ITGA7: variants seen among roughly 807,000 people sequenced by gnomAD.
ITGA7 encodes the protein integrin alpha-7.
In ITGA7, 84 loss-of-function variants were observed where a neutral mutation model predicts 131.6. The observed-to-expected ratio is 0.64, with a 90% CI of 0.54 to 0.77. The LOEUF (loss-of-function observed/expected upper bound fraction) is 0.77, where lower values mean the gene tolerates loss of function less well. Ranked by LOEUF, ITGA7 falls within the 30% of genes least tolerant of loss-of-function variation. The pLI, the probability that ITGA7 is intolerant of heterozygous loss-of-function variation, is 0.00. For missense variants in ITGA7, 1,399 were observed against 1,482.9 expected (o/e 0.94, Z 0.93); for synonymous variants, 548 against 600.7 (o/e 0.91, Z 1.28).
intron 21 of ITGA7, among the ~76,000 whole-genome samples, chr12:55,689,283 G>C (rs1219913726): frequency 6.6e-6 from 1 of 152,190 alleles, no homozygotes; most frequent in African/African-American, 2.4e-5. Flanking sequence ...CTTCGCAATA[G>C]TCCTACAAGG....
Position 55,693,284 on chromosome 12 carries a change from C to T in ITGA7, c.2569G>A (p.Gly857Ser), listed in dbSNP as rs149081471. 3.6e-3 allele frequency: 5,766 copies of T among 1,614,082 alleles called. 8 individuals carry two copies. Among genetic ancestry groups the T allele is most frequent in the Non-Finnish European group, 4.6e-3 (5,444 of 1,180,024 alleles). The change falls in exon 20 of 25, where the codon GGC becomes AGC. Residue 857 changes from glycine to serine, a missense_variant. Gly to Ser is a moderately conservative substitution (Grantham distance 56). Coordinates refer to ENST00000257879, the MANE Select transcript of ITGA7 (RefSeq NM_002206.3). ...SNQGQSLRTL[G>S]SAFLNIMWPH... ...CACATGATGTTGAGGAAGGCAGAGC[C>T]CAGGGTTCTGAGCGACTGGCCTTGG...
intron 22 of ITGA7, 74 bp downstream of exon 22, chr12:55,688,767 AAGG>A: frequency 9.5e-7 from 1 of 1,054,616 alleles, no homozygotes; most frequent in Non-Finnish European, 1.5e-6. Flanking sequence ...GACAGTGAGG[AAGG>A]AGGAGGAGAA....
chr12:55,702,803 T>G (rs1874340731), intron 3 of ITGA7, 69 bp downstream of exon 3: 1 of 1,331,404 alleles, frequency 7.5e-7, no homozygotes, highest in African/African-American at 1.4e-5. Flanking sequence ...CCTATGCGTA[T>G]GCACACACCA....
chr12:55,704,434 T>C (rs1368815047), intron 1 of ITGA7, among the ~76,000 whole-genome samples: 1 of 152,224 alleles, frequency 6.6e-6, no homozygotes, highest in Non-Finnish European at 1.5e-5. Context: ...ACATTTGGCA[T>C]TCAACTACTT....
chr12:55,693,197 C>T lies in ITGA7; in HGVS notation c.2656G>A (p.Gly886Arg), dbSNP rs764017834. Residue 886 changes from glycine (G) to arginine (R), a missense_variant, in exon 20 of 25, where the codon GGG (glycine) becomes AGG (arginine). Transcript: ENST00000257879. ...AGCCCTTTCTGCCCAGGCCCCTGCC[C>T]GCCCTCCAGCTCAACCTGCATTGGG... is the stretch of plus-strand genomic sequence containing the variant. ...LYPMQVELEG[G>R]QGPGQKGLCS... is the part of the protein sequence containing the mutation. The T allele has an allele frequency of 8.1e-6, 13 of 1,614,062 alleles. No individual in the cohort carries two copies. Among genetic ancestry groups the T allele is most frequent in the East Asian group, 2.2e-5 (1 of 44,860 alleles).
At chr12:55,698,986 C>T in intron 5 of ITGA7, 69 bp from the exon 6 acceptor site, 15 of 1,413,850 alleles carry the variant, frequency 1.1e-5, no homozygotes, top group Non-Finnish European at 1.3e-5. Context: ...GTCACAGCTC[C>T]CCCAGCCCCT....
chr12:55,687,589 C>A (rs1306536633), intron 24 of ITGA7, among the ~76,000 whole-genome samples: 1 of 146,478 alleles, frequency 6.8e-6, no homozygotes, highest in Non-Finnish European at 1.5e-5. Flanking sequence ...CTTTCGAGTT[C>A]AATCGATTCT....
rs61733050 is a variant in ITGA7, at chr12:55,697,027, G to A, written c.1609C>T (p.Arg537Trp). 1.1e-3 allele frequency: 1,747 copies of A among 1,613,996 alleles called. 22 individuals carry two copies. The African/African-American group carries it at 0.02, about 19-fold the overall frequency. The change falls in exon 12 of 25, where the codon CGG becomes TGG. Residue 537 changes from arginine to tryptophan, a missense_variant. Coordinates refer to ENST00000257879, the MANE Select transcript of ITGA7 (RefSeq NM_002206.3). The stretch of plus-strand genomic sequence containing the variant: ...AACGTCACACGGGGAACCTGGCCCC[G>A]GAGCCTCCGGTCTGTGTCCGCATCT... ...VLDADTDRRL[R>W]GQVPRVTFLS...
chr12:55,711,655 G>A (rs188841134), upstream of ITGA7, among the ~76,000 whole-genome samples: 122 of 152,104 alleles, frequency 8.0e-4, 1 homozygote, highest in Non-Finnish European at 1.2e-4. Context: ...AAAAAGAAAT[G>A]TGGCTAGTAT....
intron 3 of ITGA7, among the ~76,000 whole-genome samples, chr12:55,702,448 G>A (rs1565638007): frequency 2.0e-5 from 3 of 152,112 alleles, no homozygotes; most frequent in South Asian, 4.2e-4. Flanking sequence ...GATTACAAGC[G>A]TGAGCCACCG....
Position 55,696,885 on chromosome 12 carries a change from G to A in ITGA7, c.1737+14C>T, listed in dbSNP as rs891075590. ...ATGAAAATGACCCTCAGAAGCCAAG[G>A]GGTCAGTGTCCACCTGGAGCTGGAA... is the stretch of plus-strand genomic sequence containing the variant. On this transcript the variant is annotated intron_variant, in intron 12 of 24. Transcript: ENST00000257879. 1 of 1,613,994 alleles carries A rather than the reference G, an allele frequency of 6.2e-7. No homozygotes were observed. The highest frequency in any genetic ancestry group is 8.5e-7 in the Non-Finnish European group (1 of 1,179,886).
At position 55,685,150 on chromosome 12, in the gene ITGA7, G is replaced by A. The variant is rs775801045; in HGVS notation, c.3322C>T (p.Arg1108Trp). 45 of 1,613,604 alleles carry A rather than the reference G, an allele frequency of 2.8e-5. No homozygotes were observed. Among genetic ancestry groups the A allele is most frequent in the Admixed American group, 2.0e-4 (12 of 59,994 alleles). Residue 1108 changes from arginine (R) to tryptophan (W), a missense_variant, in exon 25 of 25, where the codon CGG (arginine) becomes TGG (tryptophan). Transcript: ENST00000257879. Reference protein sequence around the residue: ...TILRNNWGSPRREGPDAHPIL... With the variant: ...TILRNNWGSPWREGPDAHPIL... ...GGGTGTGCATCCGGGCCCTCCCGCC[G>A]GGGGCTGCCCCAGTTGTTCCTCAGG...
Position 55,698,132 on chromosome 12 carries a change from G to A in ITGA7, c.1193-106C>T. On this transcript the variant is annotated intron_variant, in intron 7 of 24. Transcript: ENST00000257879. Reference sequence around the variant, plus strand: ...TCAGGTATGTTTTCTATTTTATTGAGAGGCTACAAAATCCCAGGCACTCTA... The same window carrying A: ...TCAGGTATGTTTTCTATTTTATTGAAAGGCTACAAAATCCCAGGCACTCTA... The A allele has an allele frequency of 4.4e-6, 5 of 1,130,310 alleles. No homozygotes were observed. The South Asian group carries it at 5.1e-5, about 11-fold the overall frequency. 70.0% of individuals were successfully genotyped at this position (1,130,310 alleles called of 1,614,324 possible).
chr12:55,699,290 C>A (rs948190965), intron 5 of ITGA7, among the ~76,000 whole-genome samples: 3 of 152,188 alleles, frequency 2.0e-5, no homozygotes, highest in Non-Finnish European at 4.4e-5. Context: ...CTGCCCACAC[C>A]CAGGGAGCTA....
chr12:55,685,952 G>A (rs1030996358), intron 24 of ITGA7, among the ~76,000 whole-genome samples: 7 of 152,128 alleles, frequency 4.6e-5, no homozygotes, highest in African/African-American at 1.7e-4. Context: ...AAAAAAGCAT[G>A]CATGCGACCT....
intron 1 of ITGA7, among the ~76,000 whole-genome samples, chr12:55,705,835 A>G (rs918762875): frequency 1.1e-4 from 17 of 152,280 alleles, no homozygotes; most frequent in African/African-American, 4.1e-4. Context: ...GTTAGACCTT[A>G]AAGTCTCATC....
chr12:55,697,321 GC>G, intron 10 of ITGA7, 44 bp from the exon 11 acceptor site: 1 of 1,582,158 alleles, frequency 6.3e-7, no homozygotes, highest in South Asian at 1.1e-5. Flanking sequence ...AGGCTGATGG[GC>G]CAAGGCCCCT....
Position 55,702,881 on chromosome 12 carries a change from G to A in ITGA7, c.405C>T (p.Gly135=). 1 of 1,612,368 alleles carries A rather than the reference G, an allele frequency of 6.2e-7. No individual in the cohort carries two copies. Among genetic ancestry groups the A allele is most frequent in the Non-Finnish European group, 8.5e-7 (1 of 1,179,698 alleles). ...GVSVRSQGPG[G]KIVTCAHRYE... The stretch of plus-strand genomic sequence containing the variant: ...GAGAAGCAATACTCACAACAATCTT[G>A]CCCCCAGGCCCCTGGCTCCGAACAC... Residue 135 remains glycine (G), a synonymous_variant, in exon 3 of 25, where the codon GGC becomes GGT. Coordinates refer to ENST00000257879, the MANE Select transcript of ITGA7 (RefSeq NM_002206.3).
Position 55,695,262 on chromosome 12 carries a change from T to A in ITGA7, c.2003+260A>T, listed in dbSNP as rs191116695. 5 of 597,816 alleles carry A rather than the reference T, an allele frequency of 8.4e-6. No homozygotes were observed. The Admixed American group carries it at 1.5e-4, about 18-fold the overall frequency. 37.0% of individuals were successfully genotyped at this position (597,816 alleles called of 1,614,324 possible). A position where few individuals can be genotyped will look rare whatever the true frequency, so the allele number is the denominator to read the frequency against. On this transcript the variant is annotated intron_variant, in intron 14 of 24. Coordinates refer to ENST00000257879, the MANE Select transcript of ITGA7 (RefSeq NM_002206.3). ...AATATAATTCCTACCTCACAGAGGT[T>A]TGAAGACTAACCAATGAGATGTATG...
Sources: allele counts gnomAD v4.1 joint callset (sites outside exome capture counted in the v4.1 genomes callset), GRCh38; gene constraint gnomAD v4.1.1; transcripts MANE v1.5; gene names NCBI Gene and HGNC (gene_info 2026-07-23, HGNC 2026-07-21).